The following KCNG4 variants were observed in gnomAD, a reference collection of about 807,000 sequenced individuals.
KCNG4 encodes the protein potassium voltage-gated channel modifier subfamily G member 4.
In KCNG4, 30 loss-of-function variants were observed where a neutral mutation model predicts 28.2. The observed-to-expected ratio is 1.06, with a 90% CI of 0.80 to 1.44. The LOEUF (loss-of-function observed/expected upper bound fraction) is 1.44. Among genes scored for constraint, KCNG4 ranks in the 40% most tolerant of loss-of-function variants. The pLI is 0.00. For synonymous variants in KCNG4, 375 were observed against 315.5 expected, an observed-to-expected ratio of 1.19 and a Z score of -2.00; for missense variants, 879 against 712.3, an observed-to-expected ratio of 1.23 and a Z score of -2.66.
chr16:84,231,611 G>C (rs1423177055), intron 2 of KCNG4, among the ~76,000 whole-genome samples: 1 of 152,172 alleles, frequency 6.6e-6, no homozygotes, highest in Non-Finnish European at 1.5e-5. Context: ...CTAGGGACCA[G>C]TCAGCCTGTA....
In KCNG4 at chr16:84,237,079, T is replaced by C. The variant is rs375162536; in HGVS notation, c.407A>G (p.Gln136Arg). The change falls in exon 2 of 3, where the codon CAG becomes CGG. Residue 136 changes from glutamine (Q) to arginine (R), a missense_variant. Physicochemically the swap from Gln to Arg is conservative, Grantham distance 43 (BLOSUM62 1). Coordinates refer to ENST00000308251, the MANE Select transcript of KCNG4 (RefSeq NM_172347.3). ...CTGGAAGGACAGCGCGCACATCTCCTGCAGAAGCACCAGCTTCCCGGCCGC... is the reference window on the plus strand; with the variant it reads ...CTGGAAGGACAGCGCGCACATCTCCCGCAGAAGCACCAGCTTCCCGGCCGC... The part of the protein sequence containing the change: ...FLAAGKLVLL[Q>R]EMCALSFQEE... 8 of 1,613,956 alleles carry C rather than the reference T, an allele frequency of 5.0e-6. No individual in the cohort carries two copies. Among genetic ancestry groups the C allele is most frequent in the African/African-American group, 1.3e-5 (1 of 74,934 alleles).
In KCNG4 at chr16:84,236,806, G is replaced by A. The variant is rs1408597327; in HGVS notation, c.680C>T (p.Ser227Phe). Residue 227 changes from serine (S) to phenylalanine (F), a missense_variant, in exon 2 of 3, where the codon TCC becomes TTC. Physicochemically the swap from Ser to Phe is radical, Grantham distance 155 (BLOSUM62 -2). Coordinates refer to ENST00000308251, the MANE Select transcript of KCNG4 (RefSeq NM_172347.3). ...GGCTGTGGTGGCCACGAAGAGGATG[G>A]AGAGGCAAGCGAAGACCTTCCCGGG... ...GLPGKVFACL[S>F]ILFVATTAVS... The A allele has an allele frequency of 2.5e-6, 4 of 1,613,810 alleles. No homozygotes were observed. The highest frequency in any genetic ancestry group is 2.5e-6 in the Non-Finnish European group (3 of 1,180,044).
At chr16:84,223,197 G>T (rs889446076) in intron 2 of KCNG4, among the ~76,000 whole-genome samples, 177 bp from the exon 3 acceptor site, 7 of 152,170 alleles carry the variant, frequency 4.6e-5, no homozygotes, top group African/African-American at 1.7e-4. Flanking sequence ...CTAGGTCAGA[G>T]ACTGTTCTTT....
chr16:84,237,106 A>G lies in KCNG4; in HGVS notation c.380T>C (p.Leu127Pro), dbSNP rs754595022. 38 of 1,614,148 alleles carry G rather than the reference A, an allele frequency of 2.4e-5. No homozygotes were observed. The highest frequency in any genetic ancestry group is 3.2e-5 in the Non-Finnish European group (38 of 1,180,028). Reference protein sequence around the residue: ...PSAFGVIVSFLAAGKLVLLQE... With the variant: ...PSAFGVIVSFPAAGKLVLLQE... Reference sequence around the variant, plus strand: ...CAGAAGCACCAGCTTCCCGGCCGCCAGGAAGCTCACGATCACCCCGAAGGC... The same window carrying G: ...CAGAAGCACCAGCTTCCCGGCCGCCGGGAAGCTCACGATCACCCCGAAGGC... The change falls in exon 2 of 3, where the codon CTG becomes CCG. Residue 127 changes from leucine to proline, a missense_variant. By Grantham distance (98) the Leu-to-Pro change is moderately conservative. Coordinates refer to ENST00000308251, the MANE Select transcript of KCNG4 (RefSeq NM_172347.3).
Position 84,222,351 on chromosome 16 carries a change from G to A in KCNG4, c.1426C>T (p.Arg476Cys), listed in dbSNP as rs368054382. The A allele has an allele frequency of 4.5e-5, 73 of 1,614,102 alleles. 1 individual carries two copies. The highest frequency in any genetic ancestry group is 1.8e-4 in the East Asian group (8 of 44,866). Residue 476 changes from arginine to cysteine, a missense_variant, in exon 3 of 3, where the codon CGC becomes TGC. Physicochemically the swap from Arg to Cys is radical, Grantham distance 180 (BLOSUM62 -3). Coordinates refer to ENST00000308251, the MANE Select transcript of KCNG4 (RefSeq NM_172347.3). ...KEQEQLQARLRHLQNTGPASE... is the reference protein window; with the variant it reads ...KEQEQLQARLCHLQNTGPASE... ...GCTGGACCGGTGTTTTGGAGGTGGC[G>A]GAGGCGGGCCTGAAGCTGCTCCTGC...
rs532534920 is a variant in KCNG4, at chr16:84,238,098, G to C, written c.-40-573C>G. Among the ~76,000 whole-genome samples the C allele has an allele frequency of 5.3e-5, 8 of 152,264 alleles. No individual in the cohort carries two copies. The South Asian group carries it at 1.7e-3, about 32-fold the overall frequency. ...GTGCCCACATCGTAGGGCATGGCAA[G>C]GGTTATATGCAGTAATATACAAGAA... On this transcript the variant is annotated intron_variant, in intron 1 of 2. Coordinates refer to ENST00000308251, the MANE Select transcript of KCNG4 (RefSeq NM_172347.3).
At chr16:84,231,085 G>C (rs1027730786) in intron 2 of KCNG4, among the ~76,000 whole-genome samples, 2 of 152,220 alleles carry the variant, frequency 1.3e-5, no homozygotes, top group Non-Finnish European at 2.9e-5. Flanking sequence ...CAGCAGAGCA[G>C]GTCCAGGGGT....
Position 84,234,197 on chromosome 16 carries a change from G to C in KCNG4, c.756+2533C>G, listed in dbSNP as rs113431909. Among the ~76,000 whole-genome samples the C allele has an allele frequency of 5.5e-3, 835 of 152,238 alleles. 10 individuals are homozygous for C. Among genetic ancestry groups the C allele is most frequent in the African/African-American group, 0.019 (779 of 41,530 alleles). The stretch of plus-strand genomic sequence containing the variant: ...CTCCACTGTAATTTTTTTTGAGATG[G>C]AGTTTTGCTCTTGTTGCCCAGGCTG... On this transcript the variant is annotated intron_variant, in intron 2 of 2. Coordinates refer to ENST00000308251, the MANE Select transcript of KCNG4 (RefSeq NM_172347.3).
At chr16:84,223,578 A>C (rs1164793195) in intron 2 of KCNG4, among the ~76,000 whole-genome samples, 1 of 152,128 alleles carries the variant, frequency 6.6e-6, no homozygotes, top group Non-Finnish European at 1.5e-5. Context: ...GGGACCACGC[A>C]CTGCTCTCCT....
intron 2 of KCNG4, among the ~76,000 whole-genome samples, chr16:84,223,927 T>A (rs1239223785): frequency 6.6e-6 from 1 of 152,108 alleles, no homozygotes; most frequent in African/African-American, 2.4e-5. Context: ...TTGGGATGTG[T>A]GATTGCTGCC....
Position 84,239,789 on chromosome 16 carries a change from CA to C in KCNG4, c.-161del, listed in dbSNP as rs1254051631. ...AGATGAAGGGGAAGAAAAAAATCCC[CA>C]AAACAGCAGTTTCTAGCAGAGTCAG... is the stretch of plus-strand genomic sequence containing the variant. On this transcript the variant is annotated 5_prime_UTR_variant, in exon 1 of 3. It removes the in-frame stop codon of an upstream open reading frame in the 5' UTR. Transcript: ENST00000308251. 6.6e-6 allele frequency: 1 copy of C among 152,070 alleles called. No homozygotes were observed. Among genetic ancestry groups the C allele is most frequent in the African/African-American group, 2.4e-5 (1 of 41,404 alleles). The allele number at this position is 152,070 out of a possible 1,614,324, so 9.4% of individuals were successfully genotyped here.
In KCNG4 at chr16:84,237,540, A is replaced by G; in HGVS notation, c.-40-15T>C. The G allele has an allele frequency of 7.0e-7, 1 of 1,427,006 alleles. No individual in the cohort carries two copies. Among genetic ancestry groups the G allele is most frequent in the Non-Finnish European group, 9.2e-7 (1 of 1,089,904 alleles). The allele number at this position is 1,427,006 out of a possible 1,614,324, so 88.4% of individuals were successfully genotyped here. A position where few individuals can be genotyped will look rare whatever the true frequency, so the allele number is the denominator to read the frequency against. On this transcript the variant is annotated splice_polypyrimidine_tract_variant and intron_variant, in intron 1 of 2. Transcript: ENST00000308251. ...GGTTTACCAGTCTGACACCCAAGGGACAAAGAGCAAGCAAAAGGAAGGGAA... is the reference window on the plus strand; with the variant it reads ...GGTTTACCAGTCTGACACCCAAGGGGCAAAGAGCAAGCAAAAGGAAGGGAA...
chr16:84,228,923 C>T (rs78507945), intron 2 of KCNG4, among the ~76,000 whole-genome samples: 9,599 of 152,348 alleles, frequency 0.063, 380 homozygotes, highest in Middle Eastern at 0.1. Flanking sequence ...TGATCCATCA[C>T]CGGCTCTCCA....
intron 2 of KCNG4, among the ~76,000 whole-genome samples, chr16:84,229,508 G>A (rs1221967588): frequency 1.3e-5 from 2 of 152,238 alleles, no homozygotes; most frequent in African/African-American, 2.4e-5. Context: ...ATCTCACAGC[G>A]GTTCTCCCCG....
chr16:84,239,466 A>T (rs573238405), intron 1 of KCNG4, among the ~76,000 whole-genome samples: 40 of 152,270 alleles, frequency 2.6e-4, no homozygotes, highest in African/African-American at 9.1e-4. Context: ...GAACCTGAAA[A>T]CTGCCCTTTC....
Position 84,222,050 on chromosome 16 carries a change from G to T in KCNG4, c.*167C>A. 1 of 782,390 alleles carries T rather than the reference G, an allele frequency of 1.3e-6. No homozygotes were observed. Among genetic ancestry groups the T allele is most frequent in the Non-Finnish European group, 2.1e-6 (1 of 481,824 alleles). The allele number at this position is 782,390 out of a possible 1,614,324, so 48.5% of individuals were successfully genotyped here. On this transcript the variant is annotated 3_prime_UTR_variant, in exon 3 of 3. Coordinates refer to ENST00000308251, the MANE Select transcript of KCNG4 (RefSeq NM_172347.3). ...AGCCTGGGACATCGGGGCCCCGAGG[G>T]ACAAGGATCACAGACACACAGCCTC...
At chr16:84,230,516 G>A (rs565559726) in intron 2 of KCNG4, among the ~76,000 whole-genome samples, 1 of 150,270 alleles carries the variant, frequency 6.7e-6, no homozygotes, top group Non-Finnish European at 1.5e-5. Flanking sequence ...AGCTTACAGT[G>A]AGCCAAGATC....
chr16:84,238,149 T>C (rs1254147280), intron 1 of KCNG4, among the ~76,000 whole-genome samples: 1 of 152,186 alleles, frequency 6.6e-6, no homozygotes, highest in Non-Finnish European at 1.5e-5. Context: ...TACTTCTAGA[T>C]GCTTCTGACA....
intron 2 of KCNG4, among the ~76,000 whole-genome samples, chr16:84,228,356 C>T (rs1904743654): frequency 6.6e-6 from 1 of 151,532 alleles, no homozygotes; most frequent in South Asian, 2.1e-4. Flanking sequence ...CGGCATCCCT[C>T]CCTCCCCTCC....
Sources: allele counts gnomAD v4.1 joint callset (sites outside exome capture counted in the v4.1 genomes callset), GRCh38; gene constraint gnomAD v4.1.1; transcripts MANE v1.5; gene names NCBI Gene and HGNC (gene_info 2026-07-23, HGNC 2026-07-21).